The following FAM83B variants were observed in gnomAD, a reference collection of about 807,000 sequenced individuals.
The protein encoded by FAM83B is scaffolding CK1 anchoring protein B.
FAM83B carries 26 observed loss-of-function variants against 38.8 expected under a neutral mutation model. That is an observed-to-expected ratio of 0.67 (90% CI 0.49 to 0.93). The LOEUF (loss-of-function observed/expected upper bound fraction) is 0.93. Among genes scored for constraint, FAM83B ranks in the 40% least tolerant of loss-of-function variants. FAM83B has a pLI of 0.00. For synonymous variants in FAM83B, 419 were observed against 423.1 expected (o/e 0.99, Z 0.12); for missense variants, 1,237 against 1,197.3 (o/e 1.03, Z -0.49).
chr6:54,922,154 G>A (rs1773186448), intron 2 of FAM83B, among the ~76,000 whole-genome samples: 1 of 151,990 alleles, frequency 6.6e-6, no homozygotes, highest in Non-Finnish European at 1.5e-5. Flanking sequence ...TTGGCTGAGT[G>A]ACTTCAATTA....
At chr6:54,849,172 A>G (rs964451216) in intron 1 of FAM83B, among the ~76,000 whole-genome samples, 19 of 152,232 alleles carry the variant, frequency 1.2e-4, no homozygotes, top group Non-Finnish European at 2.1e-4. Flanking sequence ...TGCCGTAGAT[A>G]AAAAGTTGTA....
Position 54,941,021 on chromosome 6 carries a change from G to C in FAM83B, c.2050G>C (p.Val684Leu). ...AGATCCTGGAAATAGTAAGCATTATGTATATAGTACACTTACCAGGAATCG... is the reference window on the plus strand; with the variant it reads ...AGATCCTGGAAATAGTAAGCATTATCTATATAGTACACTTACCAGGAATCG... ...NLDPGNSKHY[V>L]YSTLTRNRVR... Residue 684 changes from valine (V) to leucine (L), a missense_variant, in exon 5 of 5, where the codon GTA (valine) becomes CTA (leucine). Transcript: ENST00000306858. 6.2e-7 allele frequency: 1 copy of C among 1,613,926 alleles called. No individual in the cohort carries two copies. The highest frequency in any genetic ancestry group is 1.3e-5 in the African/African-American group (1 of 75,020).
Position 54,942,519 on chromosome 6 carries a change from ACAG to A in FAM83B, c.*514_*516del, listed in dbSNP as rs1041605281. 8.2e-4 allele frequency among the ~76,000 whole-genome samples: 125 copies of A among 152,160 alleles called. No individual in the cohort carries two copies. The highest frequency in any genetic ancestry group is 2.9e-3 in the African/African-American group (119 of 41,516). On this transcript the variant is annotated 3_prime_UTR_variant, in exon 5 of 5. Transcript: ENST00000306858. ...TATTATTTTTTCTGTGGATCATTGT[ACAG>A]CTGTTTGGGCAACAGCAGTACCTTT... is the stretch of plus-strand genomic sequence containing the variant.
At chr6:54,846,518 A>T (rs1301106215), upstream of FAM83B, among the ~76,000 whole-genome samples, 2 of 151,962 alleles carry the variant, frequency 1.3e-5, no homozygotes, top group Non-Finnish European at 2.9e-5. Context: ...GCTTTTTCAT[A>T]CTCCGCTGGG....
intron 2 of FAM83B, among the ~76,000 whole-genome samples, chr6:54,922,834 T>C (rs1773200724): frequency 6.6e-6 from 1 of 152,126 alleles, no homozygotes; most frequent in Admixed American, 6.6e-5. Context: ...CATTACATTA[T>C]GCTGTATATT....
chr6:54,939,598 C>A, intron 4 of FAM83B, 108 bp from the exon 5 acceptor site: 1 of 1,012,756 alleles, frequency 9.9e-7, no homozygotes, highest in South Asian at 2.2e-5. Flanking sequence ...ATAATGATAG[C>A]CAAAGAAAAG....
At chr6:54,934,725 G>A (rs912756317) in intron 4 of FAM83B, among the ~76,000 whole-genome samples, 1 of 152,110 alleles carries the variant, frequency 6.6e-6, no homozygotes, top group African/African-American at 2.4e-5. Flanking sequence ...GGGATAGGAA[G>A]GAGTGCTTCA....
intron 4 of FAM83B, among the ~76,000 whole-genome samples, chr6:54,936,284 AT>A (rs1561930778): frequency 6.6e-6 from 1 of 152,132 alleles, no homozygotes; most frequent in African/African-American, 2.4e-5. Flanking sequence ...CCAACACCGT[AT>A]CTTCTTAGTT....
intron 2 of FAM83B, among the ~76,000 whole-genome samples, chr6:54,876,683 T>G (rs1772005091): frequency 6.6e-6 from 1 of 152,054 alleles, no homozygotes; most frequent in Admixed American, 6.6e-5. Context: ...AGTCAGCTAT[T>G]ACTCTTTAGT....
chr6:54,894,882 T>A (rs545433033), intron 2 of FAM83B, among the ~76,000 whole-genome samples: 5 of 152,358 alleles, frequency 3.3e-5, no homozygotes, highest in Non-Finnish European at 7.3e-5. Flanking sequence ...ACTGCCTGGC[T>A]TTGAATCTCA....
intron 2 of FAM83B, among the ~76,000 whole-genome samples, chr6:54,883,766 T>C (rs998632347): frequency 8.6e-5 from 13 of 151,246 alleles, no homozygotes; most frequent in South Asian, 2.1e-4. Context: ...TGATAATGGT[T>C]TTTTTTTTTG....
At chr6:54,928,519 C>T (rs1435811327) in intron 4 of FAM83B, among the ~76,000 whole-genome samples, 4 of 152,062 alleles carry the variant, frequency 2.6e-5, no homozygotes, top group African/African-American at 9.7e-5. Flanking sequence ...TATTTTAGGA[C>T]TTGATTTGTT....
At chr6:54,920,318 G>A (rs962785576) in intron 2 of FAM83B, among the ~76,000 whole-genome samples, 28 of 151,356 alleles carry the variant, frequency 1.8e-4, no homozygotes, top group African/African-American at 6.3e-4. Context: ...TAATGTTATT[G>A]TAGAGCTCCA....
chr6:54,937,481 T>C (rs556886547), intron 4 of FAM83B, among the ~76,000 whole-genome samples: 79 of 152,148 alleles, frequency 5.2e-4, no homozygotes, highest in Admixed American at 1.2e-3. Flanking sequence ...ATTCTGCCCT[T>C]TAATGATTGA....
At chr6:54,888,193 A>G (rs239784) in intron 2 of FAM83B, among the ~76,000 whole-genome samples, 13,496 of 151,820 alleles carry the variant, frequency 0.089, 740 homozygotes, top group African/African-American at 0.14. Flanking sequence ...ACCTTTGAAC[A>G]CTTTAATTCT....
chr6:54,941,424 A>G lies in FAM83B; in HGVS notation c.2453A>G (p.Lys818Arg). The G allele has an allele frequency of 6.2e-7, 1 of 1,613,116 alleles. No homozygotes were observed. The highest frequency in any genetic ancestry group is 8.5e-7 in the Non-Finnish European group (1 of 1,179,810). ...GAGGGTGAAGAAAATCAAAAACCAA[A>G]GAAATCAGACACAAAAGTTGATTCA... is the stretch of plus-strand genomic sequence containing the variant. ...VSEGEENQKP[K>R]KSDTKVDSSP... The change falls in exon 5 of 5, where the codon AAG becomes AGG. Residue 818 changes from lysine to arginine, a missense_variant. Transcript: ENST00000306858.
At chr6:54,920,701 C>T (rs994249372) in intron 2 of FAM83B, among the ~76,000 whole-genome samples, 2 of 151,824 alleles carry the variant, frequency 1.3e-5, no homozygotes, top group Non-Finnish European at 2.9e-5. Flanking sequence ...CTTTTCTTAT[C>T]ACTGGTTTCT....
rs761163377 is a variant in FAM83B at position 54,927,509 on chromosome 6, A to C, written c.611A>C (p.Asn204Thr). 1.3e-6 allele frequency: 2 copies of C among 1,595,070 alleles called. No individual in the cohort carries two copies. Among genetic ancestry groups the C allele is most frequent in the Non-Finnish European group, 1.7e-6 (2 of 1,168,892 alleles). ...CTTTTTATTTACATATAATTCTAGA[A>C]TATTCGAGTGCGAACAGTAAAAGGC... ...KQGCSVQRLR[N>T]IRVRTVKGQD... Residue 204 changes from asparagine (N) to threonine (T), a missense_variant and splice_region_variant, in exon 4 of 5, where the codon AAT becomes ACT. By Grantham distance (65) the Asn-to-Thr change is moderately conservative. Coordinates refer to ENST00000306858, the MANE Select transcript of FAM83B (RefSeq NM_001010872.3).
intron 2 of FAM83B, among the ~76,000 whole-genome samples, chr6:54,883,332 GTTT>G (rs36040247): frequency 3.3e-5 from 3 of 90,474 alleles, no homozygotes; most frequent in African/African-American, 9.7e-5. Context: ...TTTTTTTTAA[GTTT>G]TTTTTTTTTT....
Sources: gnomAD v4.1 joint callset for allele counts (sites outside exome capture counted in the v4.1 genomes callset) on GRCh38, gnomAD v4.1.1 for gene constraint, MANE v1.5 for transcripts, NCBI Gene and HGNC (gene_info 2026-07-23, HGNC 2026-07-21) for gene names.